The following ATP6V0D1 variants were observed in gnomAD, a reference collection of about 807,000 sequenced individuals.
The protein encoded by ATP6V0D1 is ATPase H+ transporting V0 subunit d1.
ATP6V0D1 carries 13 observed loss-of-function variants against 39.0 expected under a neutral mutation model. The ratio of observed to expected loss-of-function variants is 0.33; its 90% CI spans 0.22 to 0.53. The LOEUF (loss-of-function observed/expected upper bound fraction) is 0.53, where lower values mean the gene tolerates loss of function less well. ATP6V0D1 is among the 20% of genes least tolerant of loss of function. ATP6V0D1 has a pLI of 0.94. For synonymous variants in ATP6V0D1, 191 were observed against 191.2 expected (o/e 1.00, Z 0.01); for missense variants, 272 against 470.9 (o/e 0.58, Z 3.91).
rs189006045 is a variant in ATP6V0D1 at position 67,469,483 on chromosome 16, C to A, written c.130+11474G>T. ...ACAGTGGCTATACCTGGACAGGGGC[C>A]CTGCAGCTCTGGCCAGCTGACATGA... On this transcript the variant is annotated intron_variant, in intron 1 of 7. Coordinates refer to ENST00000290949, the MANE Select transcript of ATP6V0D1 (RefSeq NM_004691.5). Among the ~76,000 whole-genome samples the A allele has an allele frequency of 6.6e-5, 10 of 152,274 alleles. No individual in the cohort carries two copies. In the East Asian group the frequency reaches 1.7e-3, roughly 26 times the overall value.
Position 67,439,153 on chromosome 16 carries a change from G to C in ATP6V0D1, c.640-6C>G. ...GCGCGGCGGTCTGCTTCAAACTGTGGAGCCAGTGCACAGGTAAGAAGAGAG... is the reference window on the plus strand; with the variant it reads ...GCGCGGCGGTCTGCTTCAAACTGTGCAGCCAGTGCACAGGTAAGAAGAGAG... On this transcript the variant is annotated splice_region_variant and splice_polypyrimidine_tract_variant and intron_variant, in intron 5 of 7. Transcript: ENST00000290949. The C allele has an allele frequency of 6.2e-7, 1 of 1,613,890 alleles. No individual in the cohort carries two copies. The highest frequency in any genetic ancestry group is 8.5e-7 in the Non-Finnish European group (1 of 1,179,760).
At chr16:67,451,301 T>C (rs937847191) in intron 2 of ATP6V0D1, among the ~76,000 whole-genome samples, 5 of 151,854 alleles carry the variant, frequency 3.3e-5, no homozygotes, top group Non-Finnish European at 4.4e-5. Context: ...GAGCTGCGGA[T>C]GTTGGCAGAA....
At chr16:67,457,643 C>T (rs2041251173) in intron 1 of ATP6V0D1, 1 of 1,289,398 alleles carries the variant, frequency 7.8e-7, no homozygotes, top group Non-Finnish European at 1.0e-6. Context: ...CTTGTGGCAC[C>T]ATCCATTCCT....
At chr16:67,438,907 G>A in intron 6 of ATP6V0D1, 37 bp from the exon 7 acceptor site, 4 of 1,613,138 alleles carry the variant, frequency 2.5e-6, no homozygotes, top group Non-Finnish European at 3.4e-6. Context: ...AAGCATGAGG[G>A]TTCTGGGTGG....
At chr16:67,480,415 A>G (rs1277297919) in intron 1 of ATP6V0D1, among the ~76,000 whole-genome samples, 1 of 152,022 alleles carries the variant, frequency 6.6e-6, no homozygotes, top group Non-Finnish European at 1.5e-5. Context: ...TGCCTTCAGG[A>G]GATACTGCCC....
In ATP6V0D1 at chr16:67,438,875, C is replaced by G. The variant is rs2041010282; in HGVS notation, c.817-5G>C. On this transcript the variant is annotated splice_region_variant and splice_polypyrimidine_tract_variant and intron_variant, in intron 6 of 7. Transcript: ENST00000290949. The stretch of plus-strand genomic sequence containing the variant: ...CTCGAAGAGCAGCTTGTACTCCTGG[C>G]CAGGGGGGTGGGGGGAAGCACAAGC... 3.1e-6 allele frequency: 5 copies of G among 1,612,804 alleles called. No homozygotes were observed. Among genetic ancestry groups the G allele is most frequent in the Non-Finnish European group, 4.2e-6 (5 of 1,179,728 alleles).
chr16:67,480,614 C>T (rs533383168), intron 1 of ATP6V0D1, among the ~76,000 whole-genome samples: 3 of 152,218 alleles, frequency 2.0e-5, no homozygotes, highest in Admixed American at 6.5e-5. Flanking sequence ...CGACAGCTCT[C>T]GGGCTACGTC....
At position 67,444,859 on chromosome 16, in the gene ATP6V0D1, T is replaced by A. The variant is rs533857816; in HGVS notation, c.303-153A>T. On this transcript the variant is annotated intron_variant, in intron 2 of 7. Coordinates refer to ENST00000290949, the MANE Select transcript of ATP6V0D1 (RefSeq NM_004691.5). This position sits in a 1 kb window ranked among gnomAD's most constrained non-coding sequence, Gnocchi z 4.8. ...TGCGGATAAGCACCAGTGTCTCCTC[T>A]CCCTCCCCATGTTCCTCTCAAGCTT... 2.6e-5 allele frequency among the ~76,000 whole-genome samples: 4 copies of A among 152,086 alleles called. No homozygotes were observed. The highest frequency in any genetic ancestry group is 2.6e-4 in the Admixed American group (4 of 15,286).
chr16:67,443,860 T>C (rs1362533135), intron 3 of ATP6V0D1, among the ~76,000 whole-genome samples: 2 of 152,184 alleles, frequency 1.3e-5, no homozygotes, highest in Non-Finnish European at 2.9e-5. Context: ...CAGAACCCAG[T>C]GCAGCTTAGA....
chr16:67,443,062 G>A (rs367589029), intron 4 of ATP6V0D1, 37 bp downstream of exon 4: 26 of 1,606,456 alleles, frequency 1.6e-5, no homozygotes, highest in South Asian at 7.7e-5. Flanking sequence ...CCCACCCACC[G>A]ACAGGCCAAT....
At chr16:67,443,732 ATC>A (rs572327297) in intron 3 of ATP6V0D1, among the ~76,000 whole-genome samples, 66 of 152,344 alleles carry the variant, frequency 4.3e-4, no homozygotes, top group African/African-American at 1.4e-3. Flanking sequence ...TCACTGGTCT[ATC>A]TCTTCATTAA....
rs770155724 is a variant in ATP6V0D1 at position 67,444,716 on chromosome 16, G to A, written c.303-10C>T. The A allele has an allele frequency of 7.0e-6, 11 of 1,579,070 alleles. No individual in the cohort carries two copies. The highest frequency in any genetic ancestry group is 9.5e-6 in the Non-Finnish European group (11 of 1,158,260). On this transcript the variant is annotated splice_polypyrimidine_tract_variant and intron_variant, in intron 2 of 7. Coordinates refer to ENST00000290949, the MANE Select transcript of ATP6V0D1 (RefSeq NM_004691.5). The surrounding 1 kb of genome is among the most constrained non-coding windows in gnomAD (Gnocchi z 4.8). ...GATCATGTAACTGTAACTACAGGGG[G>A]CAGGCAATAGCAAGGAGCCCATCAA...
chr16:67,477,874 C>T (rs1342381786), intron 1 of ATP6V0D1, among the ~76,000 whole-genome samples: 1 of 151,932 alleles, frequency 6.6e-6, no homozygotes, highest in Non-Finnish European at 1.5e-5. Context: ...GGGGTTTCAC[C>T]GAGCCAGGAT....
At chr16:67,452,543 T>C in intron 2 of ATP6V0D1, 2 of 757,416 alleles carry the variant, frequency 2.6e-6, no homozygotes, top group Non-Finnish European at 4.5e-6. Flanking sequence ...AATCAAGGAA[T>C]GGTAAAAGTT....
chr16:67,447,442 C>T lies in ATP6V0D1; in HGVS notation c.303-2736G>A, dbSNP rs185537507. 6.5e-4 allele frequency among the ~76,000 whole-genome samples: 99 copies of T among 152,352 alleles called. No homozygotes were observed. Among genetic ancestry groups the T allele is most frequent in the African/African-American group, 2.3e-3 (95 of 41,574 alleles). ...AGGGAAATCCTCCTCTTCCTCCTTGCCTGGCTTCAGCAGCTGCCTCCCTGC... is the reference window on the plus strand; with the variant it reads ...AGGGAAATCCTCCTCTTCCTCCTTGTCTGGCTTCAGCAGCTGCCTCCCTGC... On this transcript the variant is annotated intron_variant, in intron 2 of 7. Coordinates refer to ENST00000290949, the MANE Select transcript of ATP6V0D1 (RefSeq NM_004691.5). This position sits in a 1 kb window ranked among gnomAD's most constrained non-coding sequence, Gnocchi z 4.1.
chr16:67,447,352 G>C lies in ATP6V0D1; in HGVS notation c.303-2646C>G, dbSNP rs2041128887. Reference sequence around the variant, plus strand: ...TTTCAGGAGATGAGAGGCTGGACAGGCCTGGCAGAGATAAGGCTGGCCCAG... The same window carrying C: ...TTTCAGGAGATGAGAGGCTGGACAGCCCTGGCAGAGATAAGGCTGGCCCAG... On this transcript the variant is annotated intron_variant, in intron 2 of 7. Transcript: ENST00000290949. This position sits in a 1 kb window ranked among gnomAD's most constrained non-coding sequence, Gnocchi z 4.1. Among the ~76,000 whole-genome samples, 1 of 152,238 alleles carries C rather than the reference G, an allele frequency of 6.6e-6. No homozygotes were observed. The highest frequency in any genetic ancestry group is 1.5e-5 in the Non-Finnish European group (1 of 68,038).
chr16:67,446,040 A>G (rs937496336), intron 2 of ATP6V0D1: 9 of 444,042 alleles, frequency 2.0e-5, no homozygotes, highest in African/African-American at 1.8e-4. Context: ...CTAGCTTCTG[A>G]GTGGGCCAGA....
At chr16:67,475,921 G>A (rs529897647) in intron 1 of ATP6V0D1, among the ~76,000 whole-genome samples, 1 of 152,278 alleles carries the variant, frequency 6.6e-6, no homozygotes, top group South Asian at 2.1e-4. Flanking sequence ...AATCTTCAAG[G>A]TAAGATTAGA....
At chr16:67,439,995 G>C (rs2041030496) in intron 4 of ATP6V0D1, 1 of 152,480 alleles carries the variant, frequency 6.6e-6, no homozygotes, top group Non-Finnish European at 1.5e-5. Flanking sequence ...TCCAGCCTGG[G>C]CGATAGAAAG....
Sources: allele counts gnomAD v4.1 joint callset (sites outside exome capture counted in the v4.1 genomes callset), GRCh38; gene constraint gnomAD v4.1.1; non-coding constraint Gnocchi (gnomAD v3.1); transcripts MANE v1.5; gene names NCBI Gene and HGNC (gene_info 2026-07-23, HGNC 2026-07-21).